CCDC7: variants seen among roughly 807,000 people sequenced by gnomAD.
CCDC7 encodes coiled-coil domain-containing protein 7.
Under a neutral mutation model 196.9 loss-of-function variants are expected in CCDC7, and 183 were observed. The observed-to-expected ratio is 0.93, with a 90% CI of 0.82 to 1.05. CCDC7 has a LOEUF of 1.05. CCDC7 is among the 50% of genes least tolerant of loss of function. The pLI is 0.00. For missense variants in CCDC7, 1,540 were observed against 1,482.2 expected, an observed-to-expected ratio of 1.04 and a Z score of -0.64; for synonymous variants, 525 against 484.6, an observed-to-expected ratio of 1.08 and a Z score of -1.10.
chr10:32,471,109 G>T, exon 6 of CCDC7: 1 of 1,611,694 alleles, frequency 6.2e-7, no homozygotes, highest in South Asian at 1.1e-5. Context: ...TCCAAAACCT[G>T]ACAAAACAGT....
chr10:32,590,873 GTTAC>G lies in CCDC7; in HGVS notation c.1801+6572_1801+6575del, dbSNP rs558735323. Reference sequence around the variant, plus strand: ...CAGATGTATTGGAGCTCCATTGTATGTTACTTGTTTTTTTCCCTCTTGCTGCTTT... The same window carrying G: ...CAGATGTATTGGAGCTCCATTGTATGTTGTTTTTTTCCCTCTTGCTGCTTT... On this transcript the variant is annotated intron_variant, in intron 18 of 41. Coordinates refer to ENST00000639629, the Ensembl canonical transcript of CCDC7. 8.7e-4 allele frequency among the ~76,000 whole-genome samples: 132 copies of G among 152,156 alleles called. 1 individual carries two copies. The highest frequency in any genetic ancestry group is 2.9e-3 in the African/African-American group (120 of 41,544).
At chr10:32,549,743 TG>T (rs2053150709) in intron 13 of CCDC7, among the ~76,000 whole-genome samples, 1 of 152,200 alleles carries the variant, frequency 6.6e-6, no homozygotes, top group African/African-American at 2.4e-5. Flanking sequence ...GGTTTATTTC[TG>T]GGTTCTCTTT....
chr10:32,771,482 G>C (rs1439916115), intron 28 of CCDC7, among the ~76,000 whole-genome samples: 1 of 152,178 alleles, frequency 6.6e-6, no homozygotes, highest in Non-Finnish European at 1.5e-5. Flanking sequence ...TATGGTTTCT[G>C]CTGAGAAATC....
chr10:32,633,203 G>A (rs542391853), intron 18 of CCDC7, among the ~76,000 whole-genome samples: 12 of 66,562 alleles, frequency 1.8e-4, no homozygotes, highest in African/African-American at 4.5e-4. Flanking sequence ...CTCAGTTTGC[G>A]CGCGTGCACG....
chr10:32,657,206 TC>T (rs2070136803), intron 20 of CCDC7, among the ~76,000 whole-genome samples: 1 of 152,170 alleles, frequency 6.6e-6, no homozygotes. Context: ...CAGTGGATCT[TC>T]CATTCTGGGG....
intron 23 of CCDC7, among the ~76,000 whole-genome samples, chr10:32,692,434 G>A (rs1019515234): frequency 4.6e-5 from 7 of 152,176 alleles, no homozygotes; most frequent in East Asian, 1.9e-4. Flanking sequence ...CTAGAAAACC[G>A]CATGGTGTCT....
At chr10:32,786,025 A>G (rs1487096814) in intron 29 of CCDC7, among the ~76,000 whole-genome samples, 1 of 152,166 alleles carries the variant, frequency 6.6e-6, no homozygotes, top group Non-Finnish European at 1.5e-5. Flanking sequence ...CTAAGTGCTG[A>G]AGGGAGACTC....
chr10:32,460,032 C>T (rs1419445515), intron 3 of CCDC7, among the ~76,000 whole-genome samples: 1 of 151,992 alleles, frequency 6.6e-6, no homozygotes, highest in South Asian at 2.1e-4. Flanking sequence ...GATATATGAT[C>T]AAATATGATA....
rs373998462 is a variant in CCDC7 at position 32,666,864 on chromosome 10, G to A, written c.2122+2703G>A. On this transcript the variant is annotated intron_variant, in intron 21 of 41. Coordinates refer to ENST00000639629, the Ensembl canonical transcript of CCDC7. ...TGTGCATGTGTCTTTATAGCAGCATGATTTATAATCCTTTGGGTATATACC... is the reference window on the plus strand; with the variant it reads ...TGTGCATGTGTCTTTATAGCAGCATAATTTATAATCCTTTGGGTATATACC... Among the ~76,000 whole-genome samples, 3 of 152,240 alleles carry A rather than the reference G, an allele frequency of 2.0e-5. No individual in the cohort carries two copies. In the East Asian group the frequency reaches 5.8e-4, roughly 29 times the overall value.
intron 25 of CCDC7, among the ~76,000 whole-genome samples, chr10:32,724,389 T>C (rs536527398): frequency 6.6e-6 from 1 of 152,230 alleles, no homozygotes; most frequent in South Asian, 2.1e-4. Context: ...CTGCCAGTTG[T>C]TGAGTTGGTC....
At chr10:32,692,999 G>C (rs2077265466) in intron 23 of CCDC7, among the ~76,000 whole-genome samples, 2 of 152,110 alleles carry the variant, frequency 1.3e-5, no homozygotes, top group African/African-American at 4.8e-5. Flanking sequence ...CTCAAATTGA[G>C]TTCAGATTGC....
intron 11 of CCDC7, among the ~76,000 whole-genome samples, chr10:32,522,587 A>C (rs955953786): frequency 1.5e-4 from 22 of 151,706 alleles, no homozygotes; most frequent in African/African-American, 4.4e-4. Flanking sequence ...AAGGTTTGTC[A>C]ATTTTATTTA....
At chr10:32,504,975 T>A (rs530020220) in intron 9 of CCDC7, among the ~76,000 whole-genome samples, 2 of 152,332 alleles carry the variant, frequency 1.3e-5, no homozygotes, top group South Asian at 4.1e-4. Context: ...GTTGTCTGGA[T>A]GAACTGTCTA....
chr10:32,453,514 A>T (rs1363415481), intron 2 of CCDC7, 78 bp downstream of exon 3: 1 of 1,006,202 alleles, frequency 9.9e-7, no homozygotes, highest in East Asian at 3.6e-5. Flanking sequence ...TAAATTTAAA[A>T]TATTTTCTTT....
In CCDC7 at chr10:32,805,117, G is replaced by C. The variant is rs1360679974; in HGVS notation, c.3097+19G>C. ...TTCCCTGGTAAGAAAATATTTTTAAGTCTAATATTTCTCATTTATTTTTCT... is the reference window on the plus strand; with the variant it reads ...TTCCCTGGTAAGAAAATATTTTTAACTCTAATATTTCTCATTTATTTTTCT... On this transcript the variant is annotated intron_variant, in intron 30 of 41. Coordinates refer to ENST00000639629, the Ensembl canonical transcript of CCDC7. 1 of 1,522,318 alleles carries C rather than the reference G, an allele frequency of 6.6e-7. No homozygotes were observed. The highest frequency in any genetic ancestry group is 2.3e-5 in the East Asian group (1 of 44,330). The allele number at this position is 1,522,318 out of a possible 1,614,324, so 94.3% of individuals were successfully genotyped here.
intron 13 of CCDC7, among the ~76,000 whole-genome samples, chr10:32,559,419 C>A (rs529195725): frequency 1.3e-5 from 2 of 152,298 alleles, no homozygotes; most frequent in African/African-American, 2.4e-5. Context: ...CTGGGAGGCA[C>A]CCCCCAGTAG....
chr10:32,673,193 A>G (rs1284200178), intron 21 of CCDC7, among the ~76,000 whole-genome samples: 1 of 152,122 alleles, frequency 6.6e-6, no homozygotes, highest in Non-Finnish European at 1.5e-5. Flanking sequence ...CTATAATATA[A>G]GCTTTGTAAT....
At chr10:32,690,955 A>T (rs1354547722) in intron 23 of CCDC7, among the ~76,000 whole-genome samples, 3 of 152,240 alleles carry the variant, frequency 2.0e-5, no homozygotes, top group Non-Finnish European at 4.4e-5. Flanking sequence ...ATGCAAAACC[A>T]GAGAGCATTA....
intron 9 of CCDC7, chr10:32,511,816 C>T (rs984798821): frequency 1.1e-5 from 11 of 967,568 alleles, no homozygotes; most frequent in Non-Finnish European, 1.5e-5. Flanking sequence ...GACGCGCCAG[C>T]TCTGCCCGCG....
Sources: gnomAD v4.1 joint callset for allele counts (sites outside exome capture counted in the v4.1 genomes callset) on GRCh38, gnomAD v4.1.1 for gene constraint, MANE v1.5 for transcripts, NCBI Gene and HGNC (gene_info 2026-07-23, HGNC 2026-07-21) for gene names.